The following IFNAR2 variants were observed in gnomAD, a reference collection of about 807,000 sequenced individuals.
The protein encoded by IFNAR2 is interferon alpha/beta receptor 2.
In IFNAR2, 30 loss-of-function variants were observed where a neutral mutation model predicts 49.4. That is an observed-to-expected ratio of 0.61 (90% CI 0.45 to 0.82). The LOEUF is 0.82. IFNAR2 is among the 40% of genes least tolerant of loss of function. The pLI, the probability that IFNAR2 is intolerant of heterozygous loss-of-function variation, is 0.00. For missense variants in IFNAR2, 600 were observed against 622.7 expected, an observed-to-expected ratio of 0.96 and a Z score of 0.39; for synonymous variants, 224 against 234.5, an observed-to-expected ratio of 0.96 and a Z score of 0.41.
chr21:33,249,283 G>T (rs1987670797), intron 6 of IFNAR2, among the ~76,000 whole-genome samples: 1 of 150,084 alleles, frequency 6.7e-6, no homozygotes, highest in Non-Finnish European at 1.5e-5. Flanking sequence ...GGCAGAGGTT[G>T]CAGTGAGCCG....
intron 7 of IFNAR2, among the ~76,000 whole-genome samples, chr21:33,254,102 A>G (rs1988051007): frequency 6.6e-6 from 1 of 152,224 alleles, no homozygotes; most frequent in Non-Finnish European, 1.5e-5. Context: ...CTATAAAGAA[A>G]TTACTTTAGT....
At chr21:33,262,310 G>GC (rs1391683625) in intron 8 of IFNAR2, among the ~76,000 whole-genome samples, 2 of 142,274 alleles carry the variant, frequency 1.4e-5, no homozygotes, top group Non-Finnish European at 3.0e-5. Flanking sequence ...GTTGCAGTGA[G>GC]CCAAGACCGC....
At chr21:33,254,963 T>C (rs1319168800) in intron 7 of IFNAR2, among the ~76,000 whole-genome samples, 1 of 152,228 alleles carries the variant, frequency 6.6e-6, no homozygotes, top group African/African-American at 2.4e-5. Flanking sequence ...CACTTGTGAA[T>C]GAAGTGAGCC....
Position 33,230,366 on chromosome 21 carries a change from T to A in IFNAR2, c.-84+150T>A. On this transcript the variant is annotated intron_variant, in intron 1 of 8. Transcript: ENST00000342136. The surrounding 1 kb of genome is among the most constrained non-coding windows in gnomAD (Gnocchi z 5.5). The stretch of plus-strand genomic sequence containing the variant: ...CTCCTCCTCCTGCCCTCCCTCTGCG[T>A]CTTGAGTATGCGGCTAGTGCGCCCT... 1 of 645,566 alleles carries A rather than the reference T, an allele frequency of 1.5e-6. No individual in the cohort carries two copies. The highest frequency in any genetic ancestry group is 2.2e-6 in the Non-Finnish European group (1 of 449,934). The allele number at this position is 645,566 out of a possible 1,614,324, so 40.0% of individuals were successfully genotyped here. A position where few individuals can be genotyped will look rare whatever the true frequency, so the allele number is the denominator to read the frequency against.
chr21:33,239,525 C>T (rs1312788522), intron 1 of IFNAR2, among the ~76,000 whole-genome samples: 2 of 151,654 alleles, frequency 1.3e-5, no homozygotes, highest in African/African-American at 4.8e-5. Context: ...TTGTGAGCTG[C>T]AGGTTCTGTA....
chr21:33,258,166 G>T (rs550902603), intron 7 of IFNAR2, among the ~76,000 whole-genome samples: 1 of 152,248 alleles, frequency 6.6e-6, no homozygotes, highest in African/African-American at 2.4e-5. Flanking sequence ...TTAGCCAGGC[G>T]TGGTGGCATG....
At chr21:33,233,570 G>A (rs560126345) in intron 1 of IFNAR2, among the ~76,000 whole-genome samples, 1 of 152,150 alleles carries the variant, frequency 6.6e-6, no homozygotes, top group East Asian at 1.9e-4. Context: ...AATCAAGCTC[G>A]CCTCAGACTT....
Position 33,264,816 on chromosome 21 carries a change from GTC to G in IFNAR2, c.*1320_*1321del, listed in dbSNP as rs2123550745. On this transcript the variant is annotated 3_prime_UTR_variant, in exon 9 of 9. Transcript: ENST00000342136. ...CCAGCCTGGGCAACATGGCAAATCTGTCTCTACAAAACAAAATTAGAAAAATT... is the reference window on the plus strand; with the variant it reads ...CCAGCCTGGGCAACATGGCAAATCTGTCTACAAAACAAAATTAGAAAAATT... The G allele has an allele frequency of 6.6e-6, 1 of 152,340 alleles. No individual in the cohort carries two copies. Among genetic ancestry groups the G allele is most frequent in the South Asian group, 2.1e-4 (1 of 4,830 alleles). The allele number at this position is 152,340 out of a possible 1,614,324, so 9.4% of individuals were successfully genotyped here. A position where few individuals can be genotyped will look rare whatever the true frequency, so the allele number is the denominator to read the frequency against.
Position 33,263,618 on chromosome 21 carries a change from G to A in IFNAR2, c.*118G>A. On this transcript the variant is annotated 3_prime_UTR_variant, in exon 9 of 9. Coordinates refer to ENST00000342136, the MANE Select transcript of IFNAR2 (RefSeq NM_001289125.3). Reference sequence around the variant, plus strand: ...TCTCCAAGGGAAGGAGGAGGAAACTGTGGTGTTCCTTTCTTCCAGGTGACA... The same window carrying A: ...TCTCCAAGGGAAGGAGGAGGAAACTATGGTGTTCCTTTCTTCCAGGTGACA... 1.1e-6 allele frequency: 1 copy of A among 946,724 alleles called. No homozygotes were observed. The highest frequency in any genetic ancestry group is 1.5e-6 in the Non-Finnish European group (1 of 649,970). 58.6% of individuals were successfully genotyped at this position (946,724 alleles called of 1,614,324 possible).
rs1391990016 is a variant in IFNAR2, at chr21:33,230,015, C to T, written c.-285C>T. On this transcript the variant is annotated 5_prime_UTR_variant, in exon 1 of 9. Coordinates refer to ENST00000342136, the MANE Select transcript of IFNAR2 (RefSeq NM_001289125.3). The surrounding 1 kb of genome is among the most constrained non-coding windows in gnomAD (Gnocchi z 5.5). ...TTCTTCCCGGCGGGTAGGAATCCCG[C>T]CGGCGAGCCGAACAGTTCCCCGAGC... 1.7e-4 allele frequency: 163 copies of T among 985,058 alleles called. No individual in the cohort carries two copies. The highest frequency in any genetic ancestry group is 1.8e-4 in the Non-Finnish European group (153 of 829,750). The allele number at this position is 985,058 out of a possible 1,614,324, so 61.0% of individuals were successfully genotyped here.
chr21:33,246,417 C>T (rs2123482950), intron 4 of IFNAR2, among the ~76,000 whole-genome samples: 1 of 152,282 alleles, frequency 6.6e-6, no homozygotes, highest in East Asian at 1.9e-4. Flanking sequence ...GGGGGTCCAA[C>T]TGTGAACCAA....
intron 5 of IFNAR2, among the ~76,000 whole-genome samples, chr21:33,248,036 CAGTG>C (rs1386661376): frequency 2.0e-5 from 3 of 152,236 alleles, no homozygotes; most frequent in East Asian, 1.9e-4. Context: ...ATTAAAGTAA[CAGTG>C]AGATATGTTT....
intron 6 of IFNAR2, among the ~76,000 whole-genome samples, chr21:33,249,838 C>T (rs1197569599): frequency 6.6e-6 from 1 of 152,112 alleles, no homozygotes; most frequent in East Asian, 1.9e-4. Flanking sequence ...GGCTCTGAGG[C>T]TGGAGTGGGC....
At chr21:33,252,452 A>G in intron 6 of IFNAR2, 1 of 985,008 alleles carries the variant, frequency 1.0e-6, no homozygotes, top group Non-Finnish European at 1.2e-6. Flanking sequence ...TGGTTATAAA[A>G]TATGTGTGTG....
At chr21:33,250,415 TA>T (rs1452792434) in intron 6 of IFNAR2, among the ~76,000 whole-genome samples, 1 of 152,196 alleles carries the variant, frequency 6.6e-6, no homozygotes, top group Non-Finnish European at 1.5e-5. Context: ...AATTAGCCTT[TA>T]AATCCAGAAA....
At chr21:33,240,600 A>G (rs1986845711) in intron 1 of IFNAR2, among the ~76,000 whole-genome samples, 1 of 152,156 alleles carries the variant, frequency 6.6e-6, no homozygotes, top group South Asian at 2.1e-4. Context: ...GCGAGAATCC[A>G]GGAGTTTGAG....
chr21:33,257,570 C>T (rs1988291702), intron 7 of IFNAR2, among the ~76,000 whole-genome samples: 1 of 148,208 alleles, frequency 6.7e-6, no homozygotes, highest in South Asian at 2.1e-4. Flanking sequence ...CTGATTGGTG[C>T]GTTTTAGAGT....
chr21:33,237,390 C>T (rs1214460520), intron 1 of IFNAR2, among the ~76,000 whole-genome samples: 1 of 151,948 alleles, frequency 6.6e-6, no homozygotes, highest in Admixed American at 6.6e-5. Context: ...CAAAAATTAG[C>T]CAGGTGTAGT....
intron 6 of IFNAR2, chr21:33,252,148 A>G (rs1987900959): frequency 2.1e-6 from 1 of 470,626 alleles, no homozygotes; most frequent in Admixed American, 2.4e-5. Context: ...GGAGAAGATG[A>G]GAAACTAGAC....
Sources: gnomAD v4.1 joint callset for allele counts (sites outside exome capture counted in the v4.1 genomes callset) on GRCh38, gnomAD v4.1.1 for gene constraint, Gnocchi (gnomAD v3.1) non-coding constraint, MANE v1.5 for transcripts, NCBI Gene and HGNC (gene_info 2026-07-23, HGNC 2026-07-21) for gene names.